The following CACNA1A variants were observed in gnomAD, a reference collection of about 807,000 sequenced individuals.
The protein encoded by CACNA1A is calcium voltage-gated channel subunit alpha1 A, also known as voltage-dependent P/Q-type calcium channel subunit alpha-1A.
In CACNA1A, 57 loss-of-function variants were observed where a neutral mutation model predicts 262.4. That is an observed-to-expected ratio of 0.22 (90% CI 0.18 to 0.27). CACNA1A has a LOEUF of 0.27. Ranked by LOEUF, CACNA1A falls within the 10% of genes least tolerant of loss-of-function variation. CACNA1A has a pLI of 1.00. For missense variants in CACNA1A, 2,526 were observed against 3,562.8 expected, an observed-to-expected ratio of 0.71 and a Z score of 7.41; for synonymous variants, 1,431 against 1,419.3, an observed-to-expected ratio of 1.01 and a Z score of -0.18.
chr19:13,240,607 G>C (rs1304185403), intron 31 of CACNA1A, among the ~76,000 whole-genome samples: 1 of 151,392 alleles, frequency 6.6e-6, no homozygotes, highest in African/African-American at 2.4e-5. Context: ...TGTGTGCGCA[G>C]TGATTGTGTG....
intron 1 of CACNA1A, among the ~76,000 whole-genome samples, chr19:13,488,616 T>C (rs945257744): frequency 6.6e-6 from 1 of 151,780 alleles, no homozygotes; most frequent in Non-Finnish European, 1.5e-5. Context: ...GCCAGGCTGG[T>C]CTCAAACTTC....
chr19:13,423,403 T>C (rs1356036547), intron 3 of CACNA1A, among the ~76,000 whole-genome samples: 1 of 152,222 alleles, frequency 6.6e-6, no homozygotes, highest in Non-Finnish European at 1.5e-5. Flanking sequence ...ATTAAGTTGA[T>C]GAAGCTTGGG....
intron 38 of CACNA1A, among the ~76,000 whole-genome samples, chr19:13,224,417 G>A (rs2055353811): frequency 6.6e-6 from 1 of 150,718 alleles, no homozygotes. Flanking sequence ...AGCCTGGGAG[G>A]TCAAGGCTGC....
Position 13,262,794 on chromosome 19 carries a change from G to A in CACNA1A, c.4029C>T (p.Ser1343=), listed in dbSNP as rs267605296. The A allele has an allele frequency of 6.2e-7, 1 of 1,613,586 alleles. No homozygotes were observed. Among genetic ancestry groups the A allele is most frequent in the Admixed American group, 1.7e-5 (1 of 59,966 alleles). Residue 1343 remains serine, a synonymous_variant, in exon 25 of 47, where the codon TCC becomes TCT. Coordinates refer to ENST00000360228, the MANE Select transcript of CACNA1A (RefSeq NM_001127222.2). The part of the protein sequence containing the change: ...SKGKDINTIK[S]LRVLRVLRPL... ...GTCGTAGCACCCGGAGGACTCGGAGGGATTTAATCGTGTTGATGTCTTTTC... is the reference window on the plus strand; with the variant it reads ...GTCGTAGCACCCGGAGGACTCGGAGAGATTTAATCGTGTTGATGTCTTTTC...
chr19:13,270,439 G>A (rs921453516), intron 24 of CACNA1A, among the ~76,000 whole-genome samples: 59 of 151,822 alleles, frequency 3.9e-4, no homozygotes, highest in Middle Eastern at 6.8e-3. Flanking sequence ...AGAGTTCAGC[G>A]CTCAGGCTGA....
rs780908964 is a variant in CACNA1A at position 13,294,487 on chromosome 19, C to CTTTTTTTTTT, written c.3089+4047_3089+4056dup. ...TACAGGTGCATACCACTGTACCTGG[C>CTTTTTTTTTT]TTTTTTTTTTTTTTTTTTTTTTTGA... On this transcript the variant is annotated intron_variant, in intron 19 of 46. Coordinates refer to ENST00000360228, the MANE Select transcript of CACNA1A (RefSeq NM_001127222.2). Among the ~76,000 whole-genome samples the CTTTTTTTTTT allele has an allele frequency of 1.1e-4, 8 of 72,526 alleles. 1 individual carries two copies. The highest frequency in any genetic ancestry group is 5.2e-4 in the African/African-American group (8 of 15,310). 47.6% of individuals were successfully genotyped at this position (72,526 alleles called of 152,430 possible).
At chr19:13,248,738 G>A (rs2056319378) in intron 30 of CACNA1A, among the ~76,000 whole-genome samples, 1 of 151,912 alleles carries the variant, frequency 6.6e-6, no homozygotes, top group African/African-American at 2.4e-5. Context: ...AACTAGTCGG[G>A]AGGCTGAGGC....
intron 6 of CACNA1A, among the ~76,000 whole-genome samples, chr19:13,344,395 T>C (rs1480033609): frequency 6.6e-6 from 1 of 152,188 alleles, no homozygotes; most frequent in Non-Finnish European, 1.5e-5. Flanking sequence ...ACTCTGCCTT[T>C]AGGTCTTGGC....
In CACNA1A at chr19:13,212,788, G is replaced by T; in HGVS notation, c.5941-48C>A. On this transcript the variant is annotated intron_variant, in intron 40 of 46. Transcript: ENST00000360228. The surrounding 1 kb of genome is among the most constrained non-coding windows in gnomAD (Gnocchi z 5.6). Reference sequence around the variant, plus strand: ...GTGTGTGGACAAGGGTGGGGTGGTGGGACGGTGGTACCCAGAAGGCATTGC... The same window carrying T: ...GTGTGTGGACAAGGGTGGGGTGGTGTGACGGTGGTACCCAGAAGGCATTGC... The T allele has an allele frequency of 1.1e-6, 1 of 950,504 alleles. No homozygotes were observed. The highest frequency in any genetic ancestry group is 1.5e-6 in the Non-Finnish European group (1 of 646,896). The allele number at this position is 950,504 out of a possible 1,614,324, so 58.9% of individuals were successfully genotyped here.
chr19:13,334,314 G>T, intron 8 of CACNA1A, 64 bp downstream of exon 8: 2 of 902,524 alleles, frequency 2.2e-6, no homozygotes, highest in Non-Finnish European at 3.8e-6. Flanking sequence ...CAAACTGCAT[G>T]ACTCTCTTTG....
intron 5 of CACNA1A, among the ~76,000 whole-genome samples, chr19:13,360,337 C>T (rs976958380): frequency 6.8e-6 from 1 of 147,612 alleles, no homozygotes. Context: ...AGAGAGAGAG[C>T]GAGAGAGAAG....
At chr19:13,490,687 A>AGAACG (rs1216687593) in intron 1 of CACNA1A, among the ~76,000 whole-genome samples, 1,239 of 106,494 alleles carry the variant, frequency 0.012, 19 homozygotes, top group African/African-American at 0.048. Flanking sequence ...AGAGAGAGAA[A>AGAACG]GAAAGGAAAG....
chr19:13,503,332 C>T (rs1047508872), intron 1 of CACNA1A, among the ~76,000 whole-genome samples: 3 of 151,950 alleles, frequency 2.0e-5, no homozygotes, highest in South Asian at 4.2e-4. Context: ...CTGATCGGGA[C>T]CTGGGTGCTG....
At chr19:13,307,744 G>A in intron 15 of CACNA1A, 38 bp downstream of exon 15, 1 of 1,563,418 alleles carries the variant, frequency 6.4e-7, no homozygotes, top group Non-Finnish European at 8.8e-7. Context: ...CTGTGACACT[G>A]AGAGGTGTTG....
Position 13,277,093 on chromosome 19 carries a change from G to A in CACNA1A, c.3858C>T (p.Val1286=), listed in dbSNP as rs769164388. The A allele has an allele frequency of 6.2e-7, 1 of 1,612,328 alleles. No homozygotes were observed. The highest frequency in any genetic ancestry group is 1.3e-5 in the African/African-American group (1 of 74,888). ...CCTTGATCACCATCTCAAAGGTAAA[G>A]ACGCCTGTAAAAACGTAGTCAAAGT... ...LRYFDYVFTG[V]FTFEMVIKMI... Residue 1286 remains valine, a synonymous_variant, in exon 23 of 47, where the codon GTC becomes GTT. Transcript: ENST00000360228.
In CACNA1A at chr19:13,207,625, A is replaced by C; in HGVS notation, c.7209T>G (p.Gly2403=). The part of the protein sequence containing the change: ...SGPHVSEGPP[G]PRHHGYYRGS... The stretch of plus-strand genomic sequence containing the variant: ...CCCGGTAGTAGCCATGGTGCCGGGG[A>C]CCCGGGGGCCCCTCGGACACGTGCG... The change falls in exon 47 of 47, where the codon GGT becomes GGG. Residue 2403 remains glycine, a synonymous_variant. Transcript: ENST00000360228. The surrounding 1 kb of genome is among the most constrained non-coding windows in gnomAD (Gnocchi z 5.7). 1 of 1,478,350 alleles carries C rather than the reference A, an allele frequency of 6.8e-7. No homozygotes were observed. The highest frequency in any genetic ancestry group is 9.0e-7 in the Non-Finnish European group (1 of 1,115,162). 91.6% of individuals were successfully genotyped at this position (1,478,350 alleles called of 1,614,324 possible). A position where few individuals can be genotyped will look rare whatever the true frequency, so the allele number is the denominator to read the frequency against.
intron 6 of CACNA1A, among the ~76,000 whole-genome samples, chr19:13,343,980 G>A (rs539312424): frequency 4.6e-5 from 7 of 152,308 alleles, no homozygotes; most frequent in South Asian, 4.1e-4. Context: ...GGGGGCTAAG[G>A]CAGGAGGATC....
At chr19:13,245,544 G>A (rs1302553841) in intron 30 of CACNA1A, 6 of 451,254 alleles carry the variant, frequency 1.3e-5, no homozygotes, top group Admixed American at 3.5e-5. Context: ...CTTCAGAGCT[G>A]TGGCCTGTCT....
At chr19:13,467,630 A>G (rs2061274957) in intron 1 of CACNA1A, among the ~76,000 whole-genome samples, 1 of 147,768 alleles carries the variant, frequency 6.8e-6, no homozygotes, top group African/African-American at 2.5e-5. Context: ...TGTGAGACAG[A>G]GTCTCAGTCT....
Sources: gnomAD v4.1 joint callset for allele counts (sites outside exome capture counted in the v4.1 genomes callset) on GRCh38, gnomAD v4.1.1 for gene constraint, Gnocchi (gnomAD v3.1) non-coding constraint, MANE v1.5 for transcripts, NCBI Gene and HGNC (gene_info 2026-07-23, HGNC 2026-07-21) for gene names.